Variants in PCDH17 observed in about 807,000 individuals in gnomAD.
PCDH17 encodes protocadherin 17.
PCDH17 carries 21 observed loss-of-function variants against 67.7 expected under a neutral mutation model. That is an observed-to-expected ratio of 0.31 (90% CI 0.22 to 0.45). The LOEUF is 0.45. Among genes scored for constraint, PCDH17 ranks in the 20% least tolerant of loss-of-function variants. The pLI, the probability that PCDH17 is intolerant of heterozygous loss-of-function variation, is 1.00. For missense variants in PCDH17, 1,471 were observed against 1,564.8 expected, an observed-to-expected ratio of 0.94 and a Z score of 1.01; for synonymous variants, 701 against 656.7, an observed-to-expected ratio of 1.07 and a Z score of -1.03.
intron 3 of PCDH17, among the ~76,000 whole-genome samples, chr13:57,671,255 A>G (rs1275396444): frequency 1.3e-5 from 2 of 151,784 alleles, no homozygotes; most frequent in African/African-American, 4.8e-5. Context: ...TACCTAATAA[A>G]TTATTGTTTA....
chr13:57,647,547 C>T (rs897442544), intron 1 of PCDH17, among the ~76,000 whole-genome samples: 1 of 151,666 alleles, frequency 6.6e-6, no homozygotes, highest in African/African-American at 2.4e-5. Flanking sequence ...TGGGCCTGGC[C>T]TCTGTATAGT....
intron 1 of PCDH17, among the ~76,000 whole-genome samples, chr13:57,636,395 T>C (rs1177314586): frequency 1.3e-5 from 2 of 152,200 alleles, no homozygotes; most frequent in Non-Finnish European, 1.5e-5. Context: ...AATGTTTTTA[T>C]TGTTAAAATG....
At chr13:57,667,845 A>G (rs1483940299) in intron 3 of PCDH17, among the ~76,000 whole-genome samples, 1 of 147,356 alleles carries the variant, frequency 6.8e-6, no homozygotes, top group Non-Finnish European at 1.5e-5. Context: ...TAATATACCC[A>G]TATATATAAG....
intron 3 of PCDH17, among the ~76,000 whole-genome samples, chr13:57,685,148 ATAGTAAT>A (rs1041253909): frequency 2.0e-5 from 3 of 152,008 alleles, no homozygotes; most frequent in Non-Finnish European, 4.4e-5. Flanking sequence ...GATGTGATAG[ATAGTAAT>A]TAGTATGTTA....
intron 1 of PCDH17, among the ~76,000 whole-genome samples, chr13:57,648,553 G>A (rs911282775): frequency 2.0e-5 from 3 of 151,914 alleles, no homozygotes; most frequent in Admixed American, 6.6e-5. Context: ...ATAAATAAAG[G>A]CTTAATGGGC....
intron 3 of PCDH17, among the ~76,000 whole-genome samples, chr13:57,703,989 C>CT (rs1955692180): frequency 6.6e-6 from 1 of 151,890 alleles, no homozygotes; most frequent in African/African-American, 2.4e-5. Context: ...TTGACTTATC[C>CT]TTTTATTTTT....
At chr13:57,657,837 C>G (rs1391812014) in intron 1 of PCDH17, among the ~76,000 whole-genome samples, 1 of 152,136 alleles carries the variant, frequency 6.6e-6, no homozygotes, top group African/African-American at 2.4e-5. Context: ...TATAATTATA[C>G]GATTTAACAC....
chr13:57,666,807 C>T lies in PCDH17; in HGVS notation c.2771C>T (p.Ser924Leu), dbSNP rs1295439787. The change falls in exon 3 of 4, where the codon TCA becomes TTA. Residue 924 changes from serine to leucine, a missense_variant. Ser to Leu is a moderately radical substitution (Grantham distance 145). This residue lies in a region of PCDH17 where 297 missense variants were observed against 298.6 expected (regional missense o/e 0.99). Coordinates refer to ENST00000377918, the MANE Select transcript of PCDH17 (RefSeq NM_001040429.3). Reference protein sequence around the residue: ...VREALKMKTTSTKSQPLEQEP... With the variant: ...VREALKMKTTLTKSQPLEQEP... ...GAGGCACTCAAGATGAAAACTACTT[C>T]AACTAAAAGCCAACCACTTGAACAA... 6.2e-7 allele frequency: 1 copy of T among 1,610,338 alleles called. No homozygotes were observed. The highest frequency in any genetic ancestry group is 8.5e-7 in the Non-Finnish European group (1 of 1,178,194).
At chr13:57,688,611 G>T (rs1157108720) in intron 3 of PCDH17, among the ~76,000 whole-genome samples, 1 of 152,006 alleles carries the variant, frequency 6.6e-6, no homozygotes, top group Non-Finnish European at 1.5e-5. Flanking sequence ...ATGAGTATTT[G>T]CAGAAATGCT....
rs970812309 is a variant in PCDH17 at position 57,710,122 on chromosome 13, G to A, written c.2798-14490G>A. On this transcript the variant is annotated intron_variant, in intron 3 of 3. Coordinates refer to ENST00000377918, the MANE Select transcript of PCDH17 (RefSeq NM_001040429.3). ...AGAATAAACTGATGGAATGGAAAGT[G>A]GGCTGTACAGGAAAGAAAAACTTGA... is the stretch of plus-strand genomic sequence containing the variant. Among the ~76,000 whole-genome samples the A allele has an allele frequency of 6.6e-5, 10 of 151,920 alleles. No homozygotes were observed. The East Asian group carries it at 1.9e-3, about 29-fold the overall frequency.
In PCDH17 at chr13:57,725,853, A is replaced by T. The variant is rs1955912758; in HGVS notation, c.*559A>T. ...ATTTGTGGTAAACATTTCTGTATAA[A>T]GTTACCTGACACACATATAAACACA... On this transcript the variant is annotated 3_prime_UTR_variant, in exon 4 of 4. Transcript: ENST00000377918. The T allele has an allele frequency of 6.5e-6, 1 of 152,686 alleles. No homozygotes were observed. Among genetic ancestry groups the T allele is most frequent in the Non-Finnish European group, 1.5e-5 (1 of 68,102 alleles). The allele number at this position is 152,686 out of a possible 1,614,324, so 9.5% of individuals were successfully genotyped here. A position where few individuals can be genotyped will look rare whatever the true frequency, so the allele number is the denominator to read the frequency against.
intron 3 of PCDH17, among the ~76,000 whole-genome samples, chr13:57,680,339 A>G (rs979648571): frequency 6.6e-6 from 1 of 151,670 alleles, no homozygotes; most frequent in Non-Finnish European, 1.5e-5. Context: ...GCGGGATAAT[A>G]GCATCATCAA....
intron 3 of PCDH17, among the ~76,000 whole-genome samples, chr13:57,710,779 A>C (rs906420080): frequency 3.3e-5 from 5 of 151,968 alleles, no homozygotes; most frequent in African/African-American, 1.2e-4. Flanking sequence ...GTAATCTAAG[A>C]ATCGCAATTT....
chr13:57,716,161 C>T (rs1955815180), intron 3 of PCDH17, among the ~76,000 whole-genome samples: 1 of 151,890 alleles, frequency 6.6e-6, no homozygotes, highest in African/African-American at 2.4e-5. Flanking sequence ...TCTATTTACC[C>T]TATAGCTCAT....
At chr13:57,679,388 A>T (rs1057197868) in intron 3 of PCDH17, among the ~76,000 whole-genome samples, 1 of 150,714 alleles carries the variant, frequency 6.6e-6, no homozygotes, top group African/African-American at 2.4e-5. Context: ...ATAAGGGGTG[A>T]TGGACTATTT....
intron 3 of PCDH17, among the ~76,000 whole-genome samples, chr13:57,723,343 T>C (rs1955886975): frequency 6.6e-6 from 1 of 152,182 alleles, no homozygotes. Flanking sequence ...CTTTTTAATG[T>C]AAATAATTAT....
At chr13:57,721,282 C>G (rs964503835) in intron 3 of PCDH17, among the ~76,000 whole-genome samples, 1 of 151,940 alleles carries the variant, frequency 6.6e-6, no homozygotes, top group African/African-American at 2.4e-5. Context: ...CTTGGCAATC[C>G]CAGATAGAAC....
chr13:57,676,302 TG>T (rs1955390714), intron 3 of PCDH17, among the ~76,000 whole-genome samples: 1 of 151,866 alleles, frequency 6.6e-6, no homozygotes, highest in South Asian at 2.1e-4. Context: ...TAAAACTTGA[TG>T]TGTTATTGTA....
rs1219136957 is a variant in PCDH17 at position 57,632,719 on chromosome 13, G to T, written c.173G>T (p.Arg58Leu). Residue 58 changes from arginine to leucine, a missense_variant, in exon 1 of 4, where the codon CGC becomes CTC. Physicochemically the swap from Arg to Leu is moderately radical, Grantham distance 102 (BLOSUM62 -2). This residue lies in a region of PCDH17 where 1,163 missense variants were observed against 1,230.0 expected (regional missense o/e 0.95). Transcript: ENST00000377918. The stretch of plus-strand genomic sequence containing the variant: ...CCTGCAGAGCGCGGCGGCGGAGGGC[G>T]CAGCAAGTCGGGTAGCTACCGGGTG... ...LPPAERGGGG[R>L]SKSGSYRVLE... is the part of the protein sequence containing the mutation. The T allele has an allele frequency of 6.2e-7, 1 of 1,611,506 alleles. No individual in the cohort carries two copies. Among genetic ancestry groups the T allele is most frequent in the Non-Finnish European group, 8.5e-7 (1 of 1,179,872 alleles).
Sources: allele counts gnomAD v4.1 joint callset (sites outside exome capture counted in the v4.1 genomes callset), GRCh38; gene constraint gnomAD v4.1.1; regional missense constraint gnomAD v4.1.1; transcripts MANE v1.5; gene names NCBI Gene and HGNC (gene_info 2026-07-23, HGNC 2026-07-21).